Variants in LIMCH1 observed in about 807,000 individuals in gnomAD.
LIMCH1 encodes the protein LIM and calponin homology domains 1.
A neutral mutation model predicts 176.5 loss-of-function variants in LIMCH1; 113 were observed. The observed-to-expected ratio is 0.64, with a 90% CI of 0.55 to 0.75. LIMCH1 has a LOEUF of 0.75. LIMCH1 is among the 30% of genes least tolerant of loss of function. The pLI is 0.00. For synonymous variants in LIMCH1, 619 were observed against 645.9 expected, an observed-to-expected ratio of 0.96 and a Z score of 0.63; for missense variants, 1,674 against 1,814.9, an observed-to-expected ratio of 0.92 and a Z score of 1.41.
chr4:41,529,946 G>A (rs1231538062), intron 3 of LIMCH1, among the ~76,000 whole-genome samples: 4 of 152,250 alleles, frequency 2.6e-5, no homozygotes, highest in African/African-American at 7.2e-5. Context: ...ACTCAGAAAC[G>A]CATTTTGGGG....
chr4:41,501,248 T>C (rs1189901589), intron 2 of LIMCH1, among the ~76,000 whole-genome samples: 1 of 152,234 alleles, frequency 6.6e-6, no homozygotes, highest in Admixed American at 6.5e-5. Flanking sequence ...CATAGATATA[T>C]GTGGATGAGA....
At chr4:41,406,458 G>T (rs1238172884) in intron 1 of LIMCH1, among the ~76,000 whole-genome samples, 1 of 152,172 alleles carries the variant, frequency 6.6e-6, no homozygotes, top group Admixed American at 6.5e-5. Flanking sequence ...CATGAATGGT[G>T]AGGATAAGCT....
chr4:41,681,087 T>G (rs776968451), intron 25 of LIMCH1, 28 bp downstream of exon 25: 1 of 1,398,978 alleles, frequency 7.1e-7, no homozygotes, highest in East Asian at 2.3e-5. Flanking sequence ...AAGCAATTTG[T>G]GAAATAAATA....
At chr4:41,647,027 A>T in intron 17 of LIMCH1, 134 bp downstream of exon 17, 1 of 834,576 alleles carries the variant, frequency 1.2e-6, no homozygotes, top group Non-Finnish European at 1.8e-6. Context: ...CAGCTGTGAA[A>T]GTCATAGGTC....
intron 1 of LIMCH1, among the ~76,000 whole-genome samples, chr4:41,573,115 C>G (rs1218738147): frequency 1.3e-5 from 2 of 152,216 alleles, no homozygotes; most frequent in Non-Finnish European, 2.9e-5. Flanking sequence ...TGTCGTGTCT[C>G]CTCTTTCTAT....
chr4:41,681,483 C>G (rs957449831), intron 25 of LIMCH1, among the ~76,000 whole-genome samples: 1 of 152,142 alleles, frequency 6.6e-6, no homozygotes, highest in African/African-American at 2.4e-5. Context: ...ATGTCAATAA[C>G]ATGTTCTCCA....
At chr4:41,549,228 T>C (rs1234708257) in intron 1 of LIMCH1, among the ~76,000 whole-genome samples, 2 of 152,180 alleles carry the variant, frequency 1.3e-5, no homozygotes, top group Non-Finnish European at 2.9e-5. Context: ...GTACCTACAA[T>C]ATGCCAGATA....
chr4:41,636,331 G>A (rs1311741429), intron 13 of LIMCH1, among the ~76,000 whole-genome samples: 4 of 124,086 alleles, frequency 3.2e-5, no homozygotes, highest in Non-Finnish European at 6.8e-5. Context: ...TGGAAAGATT[G>A]CTTTATTACT....
Position 41,650,477 on chromosome 4 carries a change from C to T in LIMCH1, c.2905C>T (p.His969Tyr), listed in dbSNP as rs1422273805. The change falls in exon 18 of 32, where the codon CAC becomes TAC. Residue 969 changes from histidine (H) to tyrosine (Y), a missense_variant. By Grantham distance (83) the His-to-Tyr change is moderately conservative. Transcript: ENST00000503057. Reference sequence around the variant, plus strand: ...AGAGTGTCCCACGGTGGCACCTGCCCACTCCTTAACCAAATCCCAGATGTT... The same window carrying T: ...AGAGTGTCCCACGGTGGCACCTGCCTACTCCTTAACCAAATCCCAGATGTT... ...ERECPTVAPA[H>Y]SLTKSQMFEG... 8 of 1,614,028 alleles carry T rather than the reference C, an allele frequency of 5.0e-6. No homozygotes were observed. Among genetic ancestry groups the T allele is most frequent in the African/African-American group, 1.3e-5 (1 of 75,004 alleles).
intron 1 of LIMCH1, among the ~76,000 whole-genome samples, chr4:41,554,988 C>G (rs1272816636): frequency 6.6e-6 from 1 of 152,148 alleles, no homozygotes; most frequent in Non-Finnish European, 1.5e-5. Flanking sequence ...CACTTTGTGA[C>G]ATGTTTGTTG....
upstream of LIMCH1, among the ~76,000 whole-genome samples, chr4:41,536,105 C>T (rs1312879034): frequency 6.6e-6 from 1 of 152,148 alleles, no homozygotes; most frequent in Non-Finnish European, 1.5e-5. Context: ...CGTCTGACTC[C>T]TTTTTTTCCA....
chr4:41,470,116 C>T (rs1489883566), intron 1 of LIMCH1, among the ~76,000 whole-genome samples: 13 of 152,148 alleles, frequency 8.5e-5, no homozygotes. Flanking sequence ...CAATGGGCAC[C>T]CCTTACTTAC....
intron 1 of LIMCH1, among the ~76,000 whole-genome samples, chr4:41,390,476 TATTAG>T (rs2057107445): frequency 6.6e-6 from 1 of 152,202 alleles, no homozygotes; most frequent in Admixed American, 6.5e-5. Context: ...AGGGATGCAT[TATTAG>T]ATGGCATCAA....
chr4:41,377,181 C>T lies in LIMCH1; in HGVS notation c.96+16245C>T, dbSNP rs75044330. ...TCAGCTTGAGCAGCTCTGCTTCAAGCTGTGGATTGGCTGCACTTGGCTCAA... is the reference window on the plus strand; with the variant it reads ...TCAGCTTGAGCAGCTCTGCTTCAAGTTGTGGATTGGCTGCACTTGGCTCAA... On this transcript the variant is annotated intron_variant, in intron 1 of 26. Coordinates refer to the LIMCH1 transcript ENST00000313860. Among the ~76,000 whole-genome samples the T allele has an allele frequency of 1.4e-3, 208 of 152,304 alleles. 6 individuals carry two copies. The East Asian group carries it at 0.038, about 28-fold the overall frequency.
chr4:41,501,429 C>T (rs559312443), intron 2 of LIMCH1, among the ~76,000 whole-genome samples: 18 of 152,038 alleles, frequency 1.2e-4, no homozygotes, highest in African/African-American at 3.6e-4. Context: ...CTTAGAAGGC[C>T]GAAAAGATTC....
chr4:41,577,538 T>C (rs1489464324), intron 1 of LIMCH1, among the ~76,000 whole-genome samples: 2 of 152,144 alleles, frequency 1.3e-5, no homozygotes, highest in African/African-American at 4.8e-5. Flanking sequence ...CAAGTGATCC[T>C]CCTATCTCAG....
At chr4:41,410,672 C>T (rs567073036) in intron 1 of LIMCH1, among the ~76,000 whole-genome samples, 2 of 152,304 alleles carry the variant, frequency 1.3e-5, no homozygotes, top group East Asian at 3.9e-4. Context: ...CAGCATTCTC[C>T]TCTCCCGTCC....
At chr4:41,454,796 T>C (rs551289717) in intron 1 of LIMCH1, among the ~76,000 whole-genome samples, 19 of 152,320 alleles carry the variant, frequency 1.2e-4, no homozygotes, top group African/African-American at 4.1e-4. Context: ...CAATGCATGG[T>C]AGGTATGGTT....
chr4:41,476,955 C>T (rs931134527), intron 1 of LIMCH1, among the ~76,000 whole-genome samples: 1 of 152,092 alleles, frequency 6.6e-6, no homozygotes, highest in African/African-American at 2.4e-5. Flanking sequence ...TTTCTTATTA[C>T]ACATTTTGAG....
Sources: gnomAD v4.1 joint callset for allele counts (sites outside exome capture counted in the v4.1 genomes callset) on GRCh38, gnomAD v4.1.1 for gene constraint, MANE v1.5 for transcripts, NCBI Gene and HGNC (gene_info 2026-07-23, HGNC 2026-07-21) for gene names.